CCDC92: variants seen among roughly 807,000 people sequenced by gnomAD.
CCDC92 encodes the protein coiled-coil domain containing 92.
A neutral mutation model predicts 24.9 loss-of-function variants in CCDC92; 12 were observed. The ratio of observed to expected loss-of-function variants is 0.48; its 90% CI spans 0.31 to 0.78. The LOEUF (loss-of-function observed/expected upper bound fraction) is 0.78, where lower values mean the gene tolerates loss of function less well. Among genes scored for constraint, CCDC92 ranks in the 30% least tolerant of loss-of-function variants. The pLI is 0.05. For synonymous variants in CCDC92, 193 were observed against 196.3 expected (o/e 0.98, Z 0.14); for missense variants, 399 against 439.4 (o/e 0.91, Z 0.82).
rs1376962521 is a variant in CCDC92 at position 123,971,078 on chromosome 12, G to T, written c.-60+1451C>A. On this transcript the variant is annotated intron_variant, in intron 1 of 4. Transcript: ENST00000238156. ...AAAAAACCCTATTTGTTAGACCGATGTATTTAAAATGTGTCACAGTAAAAA... is the reference window on the plus strand; with the variant it reads ...AAAAAACCCTATTTGTTAGACCGATTTATTTAAAATGTGTCACAGTAAAAA... Among the ~76,000 whole-genome samples the T allele has an allele frequency of 5.9e-5, 9 of 152,318 alleles. No homozygotes were observed. The South Asian group carries it at 1.9e-3, about 32-fold the overall frequency.
intron 2 of CCDC92, 53 bp from the exon 3 acceptor site, chr12:123,943,546 C>G: frequency 6.2e-7 from 1 of 1,602,672 alleles, no homozygotes. Flanking sequence ...CCCAGGGCTG[C>G]CTGCCCTCCT....
intron 4 of CCDC92, among the ~76,000 whole-genome samples, chr12:123,939,885 C>T (rs775888577): frequency 3.9e-5 from 6 of 152,220 alleles, no homozygotes; most frequent in South Asian, 2.1e-4. Flanking sequence ...GCCTGGTACC[C>T]GCTGTCCTTC....
In CCDC92 at chr12:123,941,531, T is replaced by G. The variant is rs535433748; in HGVS notation, c.223+1213A>C. ...ACTGGACACTCTCATGAATAGTAACTGCCATTGTGAGGCCTGTTTAGAAAA... is the reference window on the plus strand; with the variant it reads ...ACTGGACACTCTCATGAATAGTAACGGCCATTGTGAGGCCTGTTTAGAAAA... On this transcript the variant is annotated intron_variant, in intron 4 of 4. Transcript: ENST00000238156. 2.6e-5 allele frequency among the ~76,000 whole-genome samples: 4 copies of G among 152,360 alleles called. No homozygotes were observed. In the South Asian group the frequency reaches 8.3e-4, roughly 32 times the overall value.
intron 1 of CCDC92, among the ~76,000 whole-genome samples, chr12:123,955,222 T>C (rs952253479): frequency 6.6e-6 from 1 of 152,252 alleles, no homozygotes; most frequent in Non-Finnish European, 1.5e-5. Flanking sequence ...AGGACACAAA[T>C]ATCTCCTAAG....
intron 1 of CCDC92, among the ~76,000 whole-genome samples, chr12:123,958,251 C>A (rs964011476): frequency 6.6e-6 from 1 of 151,822 alleles, no homozygotes; most frequent in Non-Finnish European, 1.5e-5. Flanking sequence ...CGGGGTTTCT[C>A]CATGTTGGTC....
In CCDC92 at chr12:123,955,367, A is replaced by T. The variant is rs550834918; in HGVS notation, c.-59-11003T>A. Among the ~76,000 whole-genome samples the T allele has an allele frequency of 2.6e-5, 4 of 152,356 alleles. 1 individual carries two copies. The highest frequency in any genetic ancestry group is 9.6e-5 in the African/African-American group (4 of 41,582). Reference sequence around the variant, plus strand: ...CAATTTTAATTGTCTACTAGTTGATAACTAAAAGATACAGTGATCCCAAAT... The same window carrying T: ...CAATTTTAATTGTCTACTAGTTGATTACTAAAAGATACAGTGATCCCAAAT... On this transcript the variant is annotated intron_variant, in intron 1 of 4. Coordinates refer to ENST00000238156, the MANE Select transcript of CCDC92 (RefSeq NM_025140.3).
intron 1 of CCDC92, among the ~76,000 whole-genome samples, chr12:123,956,756 T>C (rs139750563): frequency 3.9e-5 from 6 of 152,280 alleles, no homozygotes; most frequent in Non-Finnish European, 5.9e-5. Context: ...ATTTTGATCA[T>C]CGTAGATAAA....
At chr12:123,958,050 TTTTTA>T (rs1018511522) in intron 1 of CCDC92, among the ~76,000 whole-genome samples, 15 of 151,764 alleles carry the variant, frequency 9.9e-5, no homozygotes, top group African/African-American at 2.2e-4. Flanking sequence ...TTATACTCAT[TTTTTA>T]TTTTATTTTA....
Position 123,944,272 on chromosome 12 carries a change from C to T in CCDC92, c.34G>A (p.Gly12Ser). The T allele has an allele frequency of 2.5e-6, 4 of 1,589,792 alleles. No individual in the cohort carries two copies. The highest frequency in any genetic ancestry group is 3.4e-6 in the Non-Finnish European group (4 of 1,164,978). ...GCTCACTCAGGGCCCCAGACTCTACCTTCATCGTAACTCGAGAAATGTGGT... is the reference window on the plus strand; with the variant it reads ...GCTCACTCAGGGCCCCAGACTCTACTTTCATCGTAACTCGAGAAATGTGGT... ...TSPHFSSYDE[G>S]PLDVSMAATN... Residue 12 changes from glycine (G) to serine (S), a missense_variant and splice_region_variant, in exon 2 of 5, where the codon GGT becomes AGT. Coordinates refer to ENST00000238156, the MANE Select transcript of CCDC92 (RefSeq NM_025140.3).
At position 123,940,200 on chromosome 12, in the gene CCDC92, G is replaced by T. The variant is rs939511185; in HGVS notation, c.224-2370C>A. On this transcript the variant is annotated intron_variant, in intron 4 of 4. Transcript: ENST00000238156. ...GTCGGACTGGGGACTTGGATTTGTGGGGCACCTGTCAGATGAAGATGCAGG... is the reference window on the plus strand; with the variant it reads ...GTCGGACTGGGGACTTGGATTTGTGTGGCACCTGTCAGATGAAGATGCAGG... Among the ~76,000 whole-genome samples, 5 of 152,186 alleles carry T rather than the reference G, an allele frequency of 3.3e-5. No individual in the cohort carries two copies. The East Asian group carries it at 9.6e-4, about 29-fold the overall frequency.
At chr12:123,947,377 C>G (rs1021112316) in intron 1 of CCDC92, among the ~76,000 whole-genome samples, 5 of 152,248 alleles carry the variant, frequency 3.3e-5, no homozygotes, top group African/African-American at 4.8e-5. Context: ...GGCAGCTCCA[C>G]CTGCAGCCCC....
intron 1 of CCDC92, chr12:123,966,754 C>T (rs1196376785): frequency 1.3e-5 from 2 of 152,384 alleles, no homozygotes; most frequent in East Asian, 3.9e-4. Flanking sequence ...GTCCCGCTGG[C>T]ATCCTGAGAC....
In CCDC92 at chr12:123,972,629, G is replaced by A. The variant is rs1475180030; in HGVS notation, c.-160C>T. On this transcript the variant is annotated 5_prime_UTR_variant, in exon 1 of 5. Transcript: ENST00000238156. ...GCCCGTGGCCCATGGGCTGGGCGGG[G>A]CGCGGCGGGCGGGGCTGCCTGGGCT... is the stretch of plus-strand genomic sequence containing the variant. 1 of 136,946 alleles carries A rather than the reference G, an allele frequency of 7.3e-6. No homozygotes were observed. The highest frequency in any genetic ancestry group is 1.5e-5 in the Non-Finnish European group (1 of 66,136). The allele number at this position is 136,946 out of a possible 1,614,324, so 8.5% of individuals were successfully genotyped here.
chr12:123,964,071 T>C (rs1002057760), intron 1 of CCDC92, among the ~76,000 whole-genome samples: 2 of 152,202 alleles, frequency 1.3e-5, no homozygotes, highest in Non-Finnish European at 2.9e-5. Context: ...AATTTGAACT[T>C]TGTAATTTGC....
rs1955564181 is a variant in CCDC92 at position 123,937,729 on chromosome 12, G to T, written c.325C>A (p.Leu109Met). ...ENENAELLKE[L>M]EQKNAMITVL... ...GTGATCATCGCGTTTTTCTGCTCCA[G>T]TTCTTTCAACAACTCAGCATTTTCG... Residue 109 changes from leucine (L) to methionine (M), a missense_variant, in exon 5 of 5, where the codon CTG becomes ATG. Transcript: ENST00000238156. The surrounding 1 kb of genome is among the most constrained non-coding windows in gnomAD (Gnocchi z 8.4). The T allele has an allele frequency of 6.2e-7, 1 of 1,614,018 alleles. No individual in the cohort carries two copies. The highest frequency in any genetic ancestry group is 8.5e-7 in the Non-Finnish European group (1 of 1,180,048).
chr12:123,964,869 A>G (rs1433703436), intron 1 of CCDC92, among the ~76,000 whole-genome samples: 1 of 152,212 alleles, frequency 6.6e-6, no homozygotes, highest in South Asian at 2.1e-4. Flanking sequence ...TTAAATAACA[A>G]TTGCATTATT....
intron 1 of CCDC92, among the ~76,000 whole-genome samples, chr12:123,961,986 A>G (rs894172281): frequency 6.6e-6 from 1 of 152,208 alleles, no homozygotes; most frequent in Non-Finnish European, 1.5e-5. Context: ...CTAAAATATA[A>G]AAGTGCATAT....
intron 1 of CCDC92, among the ~76,000 whole-genome samples, chr12:123,968,959 C>T (rs1393109022): frequency 2.0e-5 from 3 of 152,174 alleles, no homozygotes; most frequent in African/African-American, 2.4e-5. Flanking sequence ...TTAACTCAAT[C>T]GGCCTCATTA....
intron 1 of CCDC92, 69 bp from the exon 2 acceptor site, chr12:123,944,433 T>C: frequency 1.1e-6 from 1 of 877,148 alleles, no homozygotes; most frequent in Non-Finnish European, 1.6e-6. Context: ...GAATGCATTT[T>C]CCCTAATTTG....
Sources: gnomAD v4.1 joint callset for allele counts (sites outside exome capture counted in the v4.1 genomes callset) on GRCh38, gnomAD v4.1.1 for gene constraint, Gnocchi (gnomAD v3.1) non-coding constraint, MANE v1.5 for transcripts, NCBI Gene and HGNC (gene_info 2026-07-23, HGNC 2026-07-21) for gene names.